The following EFNA5 variants were observed in gnomAD, a reference collection of about 807,000 sequenced individuals.
EFNA5 encodes ephrin-A5.
In EFNA5, 5 loss-of-function variants were observed where a neutral mutation model predicts 22.9. The ratio of observed to expected loss-of-function variants is 0.22; its 90% CI spans 0.11 to 0.46. The LOEUF (loss-of-function observed/expected upper bound fraction) is 0.46. Among genes scored for constraint, EFNA5 ranks in the 20% least tolerant of loss-of-function variants. EFNA5 has a pLI of 0.99. For missense variants in EFNA5, 237 were observed against 293.3 expected, an observed-to-expected ratio of 0.81 and a Z score of 1.40; for synonymous variants, 113 against 112.2, an observed-to-expected ratio of 1.01 and a Z score of -0.04.
At chr5:107,389,865 T>C (rs1747736625) in intron 2 of EFNA5, among the ~76,000 whole-genome samples, 1 of 152,210 alleles carries the variant, frequency 6.6e-6, no homozygotes, top group African/African-American at 2.4e-5. Context: ...AAAACCTCTC[T>C]TCCCTAACAA....
At chr5:107,477,353 A>G (rs1434498333) in intron 1 of EFNA5, among the ~76,000 whole-genome samples, 1 of 152,230 alleles carries the variant, frequency 6.6e-6, no homozygotes, top group East Asian at 1.9e-4. Flanking sequence ...ATAGAATAAT[A>G]TCTGCAGAAA....
At chr5:107,418,516 G>C (rs1444345450) in intron 2 of EFNA5, among the ~76,000 whole-genome samples, 3 of 152,168 alleles carry the variant, frequency 2.0e-5, no homozygotes, top group African/African-American at 7.2e-5. Context: ...GTAGGGTAAA[G>C]GAAGCAAAAG....
chr5:107,532,922 G>C (rs1012952906), intron 1 of EFNA5, among the ~76,000 whole-genome samples: 1 of 152,106 alleles, frequency 6.6e-6, no homozygotes, highest in Non-Finnish European at 1.5e-5. Flanking sequence ...CTATTCCCCC[G>C]GGTCTCCAGG....
Position 107,670,539 on chromosome 5 carries a change from G to A in EFNA5, c.75C>T (p.Ser25=), listed in dbSNP as rs1208257899. ...WMCVFSQDPG[S]KAVADRYAVY... is the part of the protein sequence containing the mutation. ...CAGCGTAGCGGTCGGCGACGGCCTT[G>A]GAGCCCGGGTCCTGGCTGAACACAC... Residue 25 remains serine, a synonymous_variant, in exon 1 of 5, where the codon TCC becomes TCT. Transcript: ENST00000333274. 6.3e-7 allele frequency: 1 copy of A among 1,590,426 alleles called. No individual in the cohort carries two copies. Among genetic ancestry groups the A allele is most frequent in the Non-Finnish European group, 8.6e-7 (1 of 1,168,132 alleles).
At chr5:107,493,562 T>C (rs1561411322) in intron 1 of EFNA5, among the ~76,000 whole-genome samples, 1 of 152,188 alleles carries the variant, frequency 6.6e-6, no homozygotes, top group Admixed American at 6.5e-5. Context: ...CAAACAAGTA[T>C]ATTACAAGAC....
intron 2 of EFNA5, among the ~76,000 whole-genome samples, chr5:107,425,836 G>A (rs1013075936): frequency 2.6e-5 from 4 of 152,166 alleles, no homozygotes; most frequent in African/African-American, 9.7e-5. Context: ...GACTTAAACC[G>A]TGTAAGTTGT....
At chr5:107,388,123 T>C (rs1393061365) in intron 2 of EFNA5, among the ~76,000 whole-genome samples, 5 of 152,222 alleles carry the variant, frequency 3.3e-5, no homozygotes, top group Non-Finnish European at 5.9e-5. Context: ...GCCCTCCAGC[T>C]TTCACAGAGC....
chr5:107,606,871 C>G (rs1749735487), intron 1 of EFNA5, among the ~76,000 whole-genome samples: 1 of 152,086 alleles, frequency 6.6e-6, no homozygotes, highest in Admixed American at 6.5e-5. Context: ...TTGCTGATGC[C>G]AGGAACAGCG....
intron 1 of EFNA5, among the ~76,000 whole-genome samples, chr5:107,529,312 C>G (rs1472358419): frequency 1.3e-5 from 2 of 152,040 alleles, no homozygotes; most frequent in Admixed American, 6.5e-5. Flanking sequence ...GTAGTGAAGT[C>G]CCCCCTACCC....
chr5:107,650,499 C>G (rs1277730267), intron 1 of EFNA5, among the ~76,000 whole-genome samples: 1 of 152,140 alleles, frequency 6.6e-6, no homozygotes, highest in East Asian at 1.9e-4. Flanking sequence ...CAAAATAACG[C>G]AGAGTCACTT....
chr5:107,592,365 A>G (rs1749390479), intron 1 of EFNA5, among the ~76,000 whole-genome samples: 1 of 151,952 alleles, frequency 6.6e-6, no homozygotes, highest in East Asian at 1.9e-4. Flanking sequence ...TATAAATTTG[A>G]CCAAGAAGTC....
chr5:107,650,573 T>C (rs529153089), intron 1 of EFNA5, among the ~76,000 whole-genome samples: 1 of 152,340 alleles, frequency 6.6e-6, no homozygotes, highest in East Asian at 1.9e-4. Context: ...AATGTGCTTA[T>C]AATACAGAAA....
intron 1 of EFNA5, among the ~76,000 whole-genome samples, chr5:107,434,305 C>T (rs1265033426): frequency 6.6e-6 from 1 of 152,180 alleles, no homozygotes; most frequent in Admixed American, 6.5e-5. Context: ...TTCATGGTGC[C>T]GACCTGACTT....
chr5:107,635,927 C>G (rs1331180344), intron 1 of EFNA5, among the ~76,000 whole-genome samples: 1 of 152,182 alleles, frequency 6.6e-6, no homozygotes, highest in Non-Finnish European at 1.5e-5. Flanking sequence ...ACAGTTAAAC[C>G]TAAGGGACAT....
chr5:107,562,183 T>C lies in EFNA5; in HGVS notation c.125+108306A>G, dbSNP rs562968528. 2.0e-5 allele frequency among the ~76,000 whole-genome samples: 3 copies of C among 152,344 alleles called. No individual in the cohort carries two copies. In the South Asian group the frequency reaches 6.2e-4, roughly 32 times the overall value. On this transcript the variant is annotated intron_variant, in intron 1 of 4. Transcript: ENST00000333274. ...TGATCCTTTGACAAAATTAATGATGTAGCAATTCATTACTGACAGGGCAAA... is the reference window on the plus strand; with the variant it reads ...TGATCCTTTGACAAAATTAATGATGCAGCAATTCATTACTGACAGGGCAAA...
chr5:107,456,758 CT>C (rs1749708852), intron 1 of EFNA5, among the ~76,000 whole-genome samples: 1 of 152,084 alleles, frequency 6.6e-6, no homozygotes, highest in Middle Eastern at 3.2e-3. Context: ...CAGATGAGCT[CT>C]CTGGTCTAGC....
At position 107,544,510 on chromosome 5, in the gene EFNA5, G is replaced by A. The variant is rs1748109949; in HGVS notation, c.126-117001C>T. 2.0e-5 allele frequency among the ~76,000 whole-genome samples: 3 copies of A among 152,184 alleles called. No individual in the cohort carries two copies. In the South Asian group the frequency reaches 6.2e-4, roughly 31 times the overall value. On this transcript the variant is annotated intron_variant, in intron 1 of 4. Transcript: ENST00000333274. The stretch of plus-strand genomic sequence containing the variant: ...TGAAGAGAGGTTGTGTTCTGTGAAT[G>A]ATACAAAACTCTGAACTTCAAATTA...
Position 107,525,900 on chromosome 5 carries a change from T to C in EFNA5, c.126-98391A>G, listed in dbSNP as rs1211508293. The stretch of plus-strand genomic sequence containing the variant: ...GGTCAAGTGTCAATTTTACTTAAAT[T>C]TGAAGCACTAGGAGGTCTCTGATTT... On this transcript the variant is annotated intron_variant, in intron 1 of 4. Transcript: ENST00000333274. 3.9e-5 allele frequency among the ~76,000 whole-genome samples: 6 copies of C among 152,214 alleles called. No individual in the cohort carries two copies. The East Asian group carries it at 1.2e-3, about 29-fold the overall frequency.
chr5:107,560,446 C>T (rs916462764), intron 1 of EFNA5, among the ~76,000 whole-genome samples: 3 of 152,164 alleles, frequency 2.0e-5, no homozygotes, highest in African/African-American at 7.2e-5. Flanking sequence ...GTGAATTTGG[C>T]TGTGTTAAAA....
Sources: allele counts gnomAD v4.1 joint callset (sites outside exome capture counted in the v4.1 genomes callset), GRCh38; gene constraint gnomAD v4.1.1; transcripts MANE v1.5; gene names NCBI Gene and HGNC (gene_info 2026-07-23, HGNC 2026-07-21).